The following PRDM16 variants were observed in gnomAD, a reference collection of about 807,000 sequenced individuals.
The protein encoded by PRDM16 is PR/SET domain 16.
In PRDM16, 23 loss-of-function variants were observed where a neutral mutation model predicts 110.6. The observed-to-expected ratio is 0.21, with a 90% CI of 0.15 to 0.29. The LOEUF (loss-of-function observed/expected upper bound fraction) is 0.29, where lower values mean the gene tolerates loss of function less well. Among genes scored for constraint, PRDM16 ranks in the 10% least tolerant of loss-of-function variants. PRDM16 has a pLI of 1.00. For synonymous variants in PRDM16, 799 were observed against 781.8 expected (o/e 1.02, Z -0.37); for missense variants, 1,615 against 1,794.3 (o/e 0.90, Z 1.81).
At chr1:3,410,123 G>A (rs72851304) in intron 8 of PRDM16, among the ~76,000 whole-genome samples, 3,024 of 151,666 alleles carry the variant, frequency 0.02, 102 homozygotes, top group African/African-American at 0.067. Flanking sequence ...TGTGGTGTGT[G>A]TGCATGTGTA....
intron 2 of PRDM16, among the ~76,000 whole-genome samples, chr1:3,221,790 C>T (rs960286846): frequency 6.6e-6 from 1 of 152,250 alleles, no homozygotes; most frequent in African/African-American, 2.4e-5. Context: ...GGCACATGTA[C>T]ACACAAACAC....
chr1:3,076,056 C>G (rs1207608416), intron 1 of PRDM16, among the ~76,000 whole-genome samples: 1 of 152,186 alleles, frequency 6.6e-6, no homozygotes, highest in Non-Finnish European at 1.5e-5. Flanking sequence ...CTGCCCACCT[C>G]GAGGCCCTGC....
At chr1:3,347,716 G>A (rs1642390813) in intron 3 of PRDM16, among the ~76,000 whole-genome samples, 1 of 152,216 alleles carries the variant, frequency 6.6e-6, no homozygotes, top group Non-Finnish European at 1.5e-5. Flanking sequence ...CCGGGCTAAG[G>A]AGCAAACACC....
At chr1:3,282,787 C>A (rs1404242460) in intron 3 of PRDM16, among the ~76,000 whole-genome samples, 1 of 152,138 alleles carries the variant, frequency 6.6e-6, no homozygotes, top group African/African-American at 2.4e-5. Flanking sequence ...TGAAGCCTGG[C>A]GAACGTGGGA....
At chr1:3,252,258 G>C (rs1034410684) in intron 3 of PRDM16, among the ~76,000 whole-genome samples, 1 of 152,252 alleles carries the variant, frequency 6.6e-6, no homozygotes. Context: ...CCGAGGGCCA[G>C]CTCTGAGGTC....
rs1638939903 is a variant in PRDM16 at position 3,213,207 on chromosome 1, T to C, written c.387+26733T>C. 6.6e-6 allele frequency among the ~76,000 whole-genome samples: 1 copy of C among 152,134 alleles called. No homozygotes were observed. Among genetic ancestry groups the C allele is most frequent in the South Asian group, 2.1e-4 (1 of 4,822 alleles). On this transcript the variant is annotated intron_variant, in intron 2 of 16. Transcript: ENST00000270722. This position sits in a 1 kb window ranked among gnomAD's most constrained non-coding sequence, Gnocchi z 5.3. ...ATTTGGAGATCCCCAAATTAGCCAA[T>C]AAACACCACCCATTCCGTGGTGAGG...
intron 3 of PRDM16, among the ~76,000 whole-genome samples, chr1:3,364,468 T>C (rs1033766696): frequency 1.3e-5 from 2 of 152,172 alleles, no homozygotes; most frequent in Non-Finnish European, 2.9e-5. Flanking sequence ...CTGGGGCACT[T>C]TCTGGACAAG....
intron 3 of PRDM16, among the ~76,000 whole-genome samples, chr1:3,344,535 G>T (rs1642327529): frequency 6.6e-6 from 1 of 152,320 alleles, no homozygotes; most frequent in Non-Finnish European, 1.5e-5. Flanking sequence ...AGTTGGTTTG[G>T]ATTGGCTGTG....
At chr1:3,418,048 C>G in intron 11 of PRDM16, 51 bp downstream of exon 11, 5 of 1,499,686 alleles carry the variant, frequency 3.3e-6, no homozygotes, top group Non-Finnish European at 4.5e-6. Flanking sequence ...GCTCGAGTGC[C>G]ACACCTGTGG....
intron 1 of PRDM16, among the ~76,000 whole-genome samples, chr1:3,121,622 G>A (rs1055309731): frequency 6.6e-5 from 10 of 152,228 alleles, no homozygotes; most frequent in African/African-American, 9.6e-5. Context: ...ATGGGCTTCC[G>A]AATGCCGAGA....
chr1:3,345,257 G>A (rs1399261923), intron 3 of PRDM16, among the ~76,000 whole-genome samples: 1 of 152,160 alleles, frequency 6.6e-6, no homozygotes, highest in East Asian at 1.9e-4. Flanking sequence ...TTATTCTCTA[G>A]TGCTATCAAG....
intron 3 of PRDM16, among the ~76,000 whole-genome samples, chr1:3,304,447 G>T (rs1303879581): frequency 6.6e-6 from 1 of 152,198 alleles, no homozygotes; most frequent in Non-Finnish European, 1.5e-5. Flanking sequence ...ACAAATGCCT[G>T]CCCCGTTTTA....
At chr1:3,281,767 C>T (rs1357463720) in intron 3 of PRDM16, among the ~76,000 whole-genome samples, 1 of 152,208 alleles carries the variant, frequency 6.6e-6, no homozygotes, top group East Asian at 1.9e-4. Context: ...GTTGGATTCA[C>T]AGATTAGCTA....
intron 1 of PRDM16, among the ~76,000 whole-genome samples, chr1:3,134,382 G>T (rs1341547395): frequency 6.6e-6 from 1 of 152,242 alleles, no homozygotes; most frequent in African/African-American, 2.4e-5. Context: ...CATGGCACGG[G>T]CATGGGCTGG....
intron 3 of PRDM16, among the ~76,000 whole-genome samples, chr1:3,271,221 C>T (rs572053970): frequency 5.6e-4 from 86 of 152,322 alleles, no homozygotes; most frequent in African/African-American, 2.0e-3. Context: ...AGATATCCCT[C>T]GAGGAAGGAA....
At chr1:3,260,242 T>A (rs981897844) in intron 3 of PRDM16, among the ~76,000 whole-genome samples, 5 of 152,202 alleles carry the variant, frequency 3.3e-5, no homozygotes, top group African/African-American at 1.2e-4. Flanking sequence ...CAAGGACAGC[T>A]CCACAGGCCT....
chr1:3,157,966 C>T lies in PRDM16; in HGVS notation c.38-28159C>T, dbSNP rs899471575. Among the ~76,000 whole-genome samples, 2 of 152,182 alleles carry T rather than the reference C, an allele frequency of 1.3e-5. No individual in the cohort carries two copies. Among genetic ancestry groups the T allele is most frequent in the African/African-American group, 4.8e-5 (2 of 41,452 alleles). On this transcript the variant is annotated intron_variant, in intron 1 of 16. Coordinates refer to ENST00000270722, the MANE Select transcript of PRDM16 (RefSeq NM_022114.4). The surrounding 1 kb of genome is among the most constrained non-coding windows in gnomAD (Gnocchi z 4.8). ...ACAAAATAATTACAAATGATAAAAA[C>T]AATGACTGCTCATTGCAGAAAATAC...
intron 1 of PRDM16, among the ~76,000 whole-genome samples, chr1:3,105,452 G>A (rs1026511131): frequency 3.3e-5 from 5 of 152,222 alleles, no homozygotes; most frequent in African/African-American, 9.6e-5. Context: ...CTTCCGGAGC[G>A]CAGCCTTGCA....
intron 2 of PRDM16, among the ~76,000 whole-genome samples, chr1:3,228,042 G>A (rs758104001): frequency 6.6e-6 from 1 of 152,238 alleles, no homozygotes; most frequent in Non-Finnish European, 1.5e-5. Context: ...CCGGGAAAGC[G>A]AGATCTTTAA....
Sources: allele counts gnomAD v4.1 joint callset (sites outside exome capture counted in the v4.1 genomes callset), GRCh38; gene constraint gnomAD v4.1.1; non-coding constraint Gnocchi (gnomAD v3.1); transcripts MANE v1.5; gene names NCBI Gene and HGNC (gene_info 2026-07-23, HGNC 2026-07-21).